The following USP24 variants were observed in gnomAD, a reference collection of about 807,000 sequenced individuals.
The protein encoded by USP24 is ubiquitin specific peptidase 24, also known as ubiquitin carboxyl-terminal hydrolase 24.
USP24 carries 97 observed loss-of-function variants against 361.6 expected under a neutral mutation model. That is an observed-to-expected ratio of 0.27 (90% CI 0.23 to 0.32). USP24 has a LOEUF of 0.32. Among genes scored for constraint, USP24 ranks in the 10% least tolerant of loss-of-function variants. USP24 has a pLI of 1.00. For synonymous variants in USP24, 1,098 were observed against 1,124.6 expected, an observed-to-expected ratio of 0.98 and a Z score of 0.47; for missense variants, 2,353 against 3,165.6, an observed-to-expected ratio of 0.74 and a Z score of 6.16.
intron 17 of USP24, 81 bp downstream of exon 17, chr1:55,148,382 A>G: frequency 9.6e-7 from 1 of 1,041,662 alleles, no homozygotes; most frequent in Non-Finnish European, 1.4e-6. Context: ...AGTGACTATA[A>G]ACTCAGCAAT....
intron 1 of USP24, among the ~76,000 whole-genome samples, chr1:55,183,819 A>G (rs1025452160): frequency 6.7e-6 from 1 of 150,250 alleles, no homozygotes; most frequent in Non-Finnish European, 1.5e-5. Context: ...AAGATATCAT[A>G]CACACATACA....
intron 67 of USP24, chr1:55,071,539 C>T (rs1644918655): frequency 9.6e-6 from 12 of 1,250,308 alleles, no homozygotes; most frequent in Non-Finnish European, 1.2e-5. Flanking sequence ...CCCCCTGTGC[C>T]CTGGCTTCAT....
intron 45 of USP24, among the ~76,000 whole-genome samples, 182 bp from the exon 46 acceptor site, chr1:55,098,740 G>A (rs1391103905): frequency 6.6e-6 from 1 of 152,190 alleles, no homozygotes; most frequent in Admixed American, 6.5e-5. Flanking sequence ...CAGACGATCA[G>A]AAGAGGAAGA....
At chr1:55,095,226 AC>A in intron 51 of USP24, 28 bp downstream of exon 51, 1 of 1,609,040 alleles carries the variant, frequency 6.2e-7, no homozygotes, top group Non-Finnish European at 8.5e-7. Context: ...TAGAAATCAC[AC>A]AGCAAATTAC....
chr1:55,215,250 G>C lies in USP24; in HGVS notation c.-137C>G. 1.5e-6 allele frequency: 1 copy of C among 657,708 alleles called. No homozygotes were observed. Among genetic ancestry groups the C allele is most frequent in the Non-Finnish European group, 2.1e-6 (1 of 481,112 alleles). The allele number at this position is 657,708 out of a possible 1,614,324, so 40.7% of individuals were successfully genotyped here. A position where few individuals can be genotyped will look rare whatever the true frequency, so the allele number is the denominator to read the frequency against. On this transcript the variant is annotated 5_prime_UTR_variant, in exon 1 of 68. Transcript: ENST00000294383. ...GCGTTCCTGCCCCGGGTGCTCCGCA[G>C]CAGCCGGGCCAGGCTGGGTGCGGGC...
chr1:55,147,079 C>T lies in USP24; in HGVS notation c.2119-19G>A. The T allele has an allele frequency of 1.0e-5, 16 of 1,525,756 alleles. No homozygotes were observed. Among genetic ancestry groups the T allele is most frequent in the South Asian group, 2.6e-5 (2 of 78,110 alleles). 94.5% of individuals were successfully genotyped at this position (1,525,756 alleles called of 1,614,324 possible). A position where few individuals can be genotyped will look rare whatever the true frequency, so the allele number is the denominator to read the frequency against. On this transcript the variant is annotated intron_variant, in intron 18 of 67. Transcript: ENST00000294383. Reference sequence around the variant, plus strand: ...CTAAATACTGCAAAAAGAAATAATGCTAATTAGTTAACTCCAGGCATTCAT... The same window carrying T: ...CTAAATACTGCAAAAAGAAATAATGTTAATTAGTTAACTCCAGGCATTCAT...
Position 55,215,166 on chromosome 1 carries a change from G to C in USP24, c.-53C>G, listed in dbSNP as rs1029057475. 8.4e-7 allele frequency: 1 copy of C among 1,197,024 alleles called. No homozygotes were observed. Among genetic ancestry groups the C allele is most frequent in the Non-Finnish European group, 1.0e-6 (1 of 963,060 alleles). The allele number at this position is 1,197,024 out of a possible 1,614,324, so 74.2% of individuals were successfully genotyped here. A position where few individuals can be genotyped will look rare whatever the true frequency, so the allele number is the denominator to read the frequency against. On this transcript the variant is annotated 5_prime_UTR_variant, in exon 1 of 68. Coordinates refer to ENST00000294383, the MANE Select transcript of USP24 (RefSeq NM_015306.3). ...AGCGCACGGCGAAGCTACGGGTCCCGGGCCTGGCGGGCCGCGCGGCGCACC... is the reference window on the plus strand; with the variant it reads ...AGCGCACGGCGAAGCTACGGGTCCCCGGCCTGGCGGGCCGCGCGGCGCACC...
rs757945468 is a variant in USP24, at chr1:55,103,978, A to T, written c.4923T>A (p.Leu1641=). 3 of 1,611,402 alleles carry T rather than the reference A, an allele frequency of 1.9e-6. No individual in the cohort carries two copies. Among genetic ancestry groups the T allele is most frequent in the Non-Finnish European group, 2.5e-6 (3 of 1,178,690 alleles). The part of the protein sequence containing the change: ...ANSRLAAYEV[L]VMLADSSPSN... ...AAGGTGAACTATCAGCCAACATCACAAGGACTTCATAGGCTGCCAATCGGC... is the reference window on the plus strand; with the variant it reads ...AAGGTGAACTATCAGCCAACATCACTAGGACTTCATAGGCTGCCAATCGGC... The change falls in exon 42 of 68, where the codon CTT becomes CTA. Residue 1641 remains leucine (L), a synonymous_variant. Transcript: ENST00000294383.
chr1:55,138,444 T>C (rs1646797449), intron 26 of USP24, among the ~76,000 whole-genome samples, 164 bp downstream of exon 26: 1 of 152,214 alleles, frequency 6.6e-6, no homozygotes, highest in African/African-American at 2.4e-5. Context: ...AATATTTATT[T>C]ATATATCTGC....
At chr1:55,127,858 TTTC>T (rs1646480064) in intron 32 of USP24, among the ~76,000 whole-genome samples, 2 of 152,158 alleles carry the variant, frequency 1.3e-5, no homozygotes, top group Non-Finnish European at 2.9e-5. Context: ...TCACCCCTTT[TTTC>T]TTACTCATCT....
intron 1 of USP24, among the ~76,000 whole-genome samples, chr1:55,197,879 T>C (rs1644462071): frequency 6.6e-6 from 1 of 152,224 alleles, no homozygotes; most frequent in African/African-American, 2.4e-5. Context: ...AGATGGGATG[T>C]TATTTTCTGG....
Position 55,101,693 on chromosome 1 carries a change from G to A in USP24, c.5036C>T (p.Pro1679Leu), listed in dbSNP as rs908371382. The change falls in exon 43 of 68, where the codon CCA becomes CTA. Residue 1679 changes from proline to leucine, a missense_variant. Pro to Leu is a moderately conservative substitution (Grantham distance 98). This residue lies in a region of USP24 where 949 missense variants were observed against 1,280.5 expected (regional missense o/e 0.74). Transcript: ENST00000294383. The stretch of plus-strand genomic sequence containing the variant: ...CCCTGAACTGGACCTGCTATCCACT[G>A]GGGGAAGGTACTGGAAAAGAGAGGA... ...ALTKEFDYLP[P>L]VDSRSSSGFV... 2 of 1,604,938 alleles carry A rather than the reference G, an allele frequency of 1.2e-6. No individual in the cohort carries two copies. Among genetic ancestry groups the A allele is most frequent in the African/African-American group, 1.3e-5 (1 of 74,324 alleles).
At chr1:55,177,863 G>T in intron 2 of USP24, 104 bp downstream of exon 2, 2 of 1,077,222 alleles carry the variant, frequency 1.9e-6, no homozygotes, top group Non-Finnish European at 1.3e-6. Context: ...GAGAATAAAT[G>T]ATCTGTCCAA....
At chr1:55,154,303 C>T (rs1389288375) in intron 14 of USP24, 23 bp from the exon 15 acceptor site, 5 of 1,591,230 alleles carry the variant, frequency 3.1e-6, no homozygotes, top group Non-Finnish European at 4.3e-6. Context: ...TACATATGAT[C>T]AGCCAGCCAA....
intron 35 of USP24, 69 bp downstream of exon 35, chr1:55,124,400 C>G: frequency 6.5e-7 from 1 of 1,526,720 alleles, no homozygotes; most frequent in Non-Finnish European, 8.8e-7. Context: ...CTCTGGCAAA[C>G]CTACACACAG....
chr1:55,126,708 C>T (rs1329147592), intron 32 of USP24, among the ~76,000 whole-genome samples: 1 of 152,198 alleles, frequency 6.6e-6, no homozygotes, highest in African/African-American at 2.4e-5. Flanking sequence ...ACATGTGTGC[C>T]ACACCTTCTA....
At chr1:55,195,658 C>T (rs1224440131) in intron 1 of USP24, among the ~76,000 whole-genome samples, 1 of 152,106 alleles carries the variant, frequency 6.6e-6, no homozygotes, top group Non-Finnish European at 1.5e-5. Context: ...ATGAACAAGC[C>T]TTGAGGACAT....
At chr1:55,179,815 AG>A (rs1643911567) in intron 1 of USP24, among the ~76,000 whole-genome samples, 1 of 152,090 alleles carries the variant, frequency 6.6e-6, no homozygotes, top group Admixed American at 6.6e-5. Context: ...CCATCTCCAC[AG>A]CTACCACCTA....
intron 10 of USP24, among the ~76,000 whole-genome samples, 180 bp from the exon 11 acceptor site, chr1:55,157,550 G>A (rs1647805815): frequency 6.6e-6 from 1 of 152,096 alleles, no homozygotes; most frequent in African/African-American, 2.4e-5. Context: ...AGAACATGGA[G>A]GGCCAGGCAC....
Sources: gnomAD v4.1 joint callset for allele counts (sites outside exome capture counted in the v4.1 genomes callset) on GRCh38, gnomAD v4.1.1 for gene constraint, gnomAD v4.1.1 regional missense constraint, MANE v1.5 for transcripts, NCBI Gene and HGNC (gene_info 2026-07-23, HGNC 2026-07-21) for gene names.